ARHGAP8: variants seen among roughly 807,000 people sequenced by gnomAD.
The protein encoded by ARHGAP8 is rho GTPase-activating protein 8.
In ARHGAP8, 62 loss-of-function variants were observed where a neutral mutation model predicts 46.1. The ratio of observed to expected loss-of-function variants is 1.34; its 90% CI spans 1.10 to 1.66. The LOEUF (loss-of-function observed/expected upper bound fraction) is 1.66. Among genes scored for constraint, ARHGAP8 ranks in the 40% most tolerant of loss-of-function variants. The probability of loss-of-function intolerance (pLI) is 0.00; values close to 1 mark genes in which losing one functional copy is unlikely to be tolerated. For synonymous variants in ARHGAP8, 375 were observed against 243.1 expected, an observed-to-expected ratio of 1.54 and a Z score of -5.05; for missense variants, 923 against 568.4, an observed-to-expected ratio of 1.62 and a Z score of -6.34.
chr22:44,832,065 A>C (rs972839503), intron 7 of ARHGAP8, among the ~76,000 whole-genome samples: 1 of 152,124 alleles, frequency 6.6e-6, no homozygotes, highest in Non-Finnish European at 1.5e-5. Flanking sequence ...CCATCTTGAA[A>C]ATAGTAGTCT....
At chr22:44,801,367 T>TG (rs1449651805) in intron 2 of ARHGAP8, among the ~76,000 whole-genome samples, 14 of 45,610 alleles carry the variant, frequency 3.1e-4, no homozygotes, top group African/African-American at 6.3e-4. Flanking sequence ...TGTCTATGTG[T>TG]GGGGGCACCT....
At chr22:44,763,109 A>G (rs1447562378) in intron 1 of ARHGAP8, among the ~76,000 whole-genome samples, 1 of 152,160 alleles carries the variant, frequency 6.6e-6, no homozygotes, top group Non-Finnish European at 1.5e-5. Context: ...GTCTGTTTTC[A>G]TGCTGGTTGG....
intron 2 of ARHGAP8, among the ~76,000 whole-genome samples, chr22:44,799,789 C>T (rs866397605): frequency 4.3e-5 from 6 of 140,910 alleles, no homozygotes; most frequent in Admixed American, 3.3e-4. Context: ...GAGCCGTGGC[C>T]GTGGAGTGAG....
intron 5 of ARHGAP8, among the ~76,000 whole-genome samples, chr22:44,815,301 G>C (rs781285492): frequency 6.6e-6 from 1 of 152,176 alleles, no homozygotes; most frequent in Non-Finnish European, 1.5e-5. Context: ...GGTGCCCAGG[G>C]TTTTTGTTGC....
intron 11 of ARHGAP8, among the ~76,000 whole-genome samples, chr22:44,860,884 C>G (rs534245340): frequency 6.6e-6 from 1 of 152,216 alleles, no homozygotes; most frequent in African/African-American, 2.4e-5. Context: ...AGAGCCTGAG[C>G]AGAGTAGGCG....
chr22:44,822,896 C>A (rs1930256068), intron 6 of ARHGAP8, among the ~76,000 whole-genome samples: 1 of 152,178 alleles, frequency 6.6e-6, no homozygotes, highest in Admixed American at 6.5e-5. Context: ...ATGCTGAAAG[C>A]TTAATTGGTG....
intron 3 of ARHGAP8, among the ~76,000 whole-genome samples, chr22:44,806,081 C>G (rs1928901039): frequency 6.6e-6 from 1 of 152,120 alleles, no homozygotes; most frequent in African/African-American, 2.4e-5. Context: ...AGACATTGGC[C>G]TCAGTTTCCC....
At chr22:44,759,915 G>A (rs1376937306) in intron 1 of ARHGAP8, among the ~76,000 whole-genome samples, 3 of 152,248 alleles carry the variant, frequency 2.0e-5, no homozygotes, top group Non-Finnish European at 4.4e-5. Flanking sequence ...GTGCCCTTGC[G>A]CAGGGCAGCA....
intron 1 of ARHGAP8, among the ~76,000 whole-genome samples, chr22:44,782,056 C>T (rs544647827): frequency 5.3e-5 from 8 of 151,632 alleles, no homozygotes; most frequent in East Asian, 2.0e-4. Flanking sequence ...ACTTTAGGGC[C>T]GGGTGTGGTG....
chr22:44,774,479 A>G (rs1380907107), intron 1 of ARHGAP8, among the ~76,000 whole-genome samples: 2 of 149,328 alleles, frequency 1.3e-5, no homozygotes, highest in East Asian at 3.9e-4. Context: ...ACTGTATGAC[A>G]TTTGACTATT....
intron 5 of ARHGAP8, among the ~76,000 whole-genome samples, chr22:44,816,195 C>T (rs1929729061): frequency 6.6e-6 from 1 of 152,164 alleles, no homozygotes; most frequent in Non-Finnish European, 1.5e-5. Flanking sequence ...TGACACAGGT[C>T]TCTTCTCGTG....
rs535308127 is a variant in ARHGAP8 at position 44,763,205 on chromosome 22, A to G, written c.-72+10578A>G. 5.3e-5 allele frequency among the ~76,000 whole-genome samples: 8 copies of G among 152,214 alleles called. No homozygotes were observed. The South Asian group carries it at 1.2e-3, about 24-fold the overall frequency. On this transcript the variant is annotated intron_variant, in intron 1 of 11. Transcript: ENST00000356099. Reference sequence around the variant, plus strand: ...TCCCAGAGCAAACTTAGAGCAAAAGATAATTTTCAGGCTGGGTGTGGTGGC... The same window carrying G: ...TCCCAGAGCAAACTTAGAGCAAAAGGTAATTTTCAGGCTGGGTGTGGTGGC...
chr22:44,852,449 C>G (rs1280999428), intron 10 of ARHGAP8, among the ~76,000 whole-genome samples: 1 of 152,136 alleles, frequency 6.6e-6, no homozygotes, highest in Non-Finnish European at 1.5e-5. Flanking sequence ...CCACACCTGC[C>G]TTTCTTAGAT....
At chr22:44,815,165 G>A (rs1388334698) in intron 5 of ARHGAP8, among the ~76,000 whole-genome samples, 2 of 152,180 alleles carry the variant, frequency 1.3e-5, no homozygotes, top group Non-Finnish European at 2.9e-5. Context: ...CTGAGTCCAG[G>A]AGGACCAAGT....
chr22:44,762,338 AGGTG>A (rs1227352213), intron 1 of ARHGAP8, among the ~76,000 whole-genome samples: 4 of 152,082 alleles, frequency 2.6e-5, no homozygotes, highest in African/African-American at 7.2e-5. Flanking sequence ...CGGGAGGCTG[AGGTG>A]GGAGGATCGC....
chr22:44,782,277 C>T (rs1926897491), intron 1 of ARHGAP8, among the ~76,000 whole-genome samples: 1 of 152,142 alleles, frequency 6.6e-6, no homozygotes, highest in Non-Finnish European at 1.5e-5. Context: ...GAGGAGATTA[C>T]AGTGAGCCAA....
At chr22:44,774,518 A>ATTTTTTT (rs132473) in intron 1 of ARHGAP8, among the ~76,000 whole-genome samples, 1 of 119,490 alleles carries the variant, frequency 8.4e-6, no homozygotes, top group Non-Finnish European at 1.7e-5. Flanking sequence ...TCTTTGGGAG[A>ATTTTTTT]TTTTTTTTTT....
Position 44,862,698 on chromosome 22 carries a change from A to G in ARHGAP8, c.*103A>G. On this transcript the variant is annotated 3_prime_UTR_variant, in exon 12 of 12. Coordinates refer to ENST00000356099, the MANE Select transcript of ARHGAP8 (RefSeq NM_181335.3). ...TGTAAAAATAACCAGCCATTAGATG[A>G]ATTCAGAACCTTCTAATGAAAACTC... 7.4e-7 allele frequency: 1 copy of G among 1,358,166 alleles called. No homozygotes were observed. The highest frequency in any genetic ancestry group is 1.6e-5 in the South Asian group (1 of 63,340). The allele number at this position is 1,358,166 out of a possible 1,614,324, so 84.1% of individuals were successfully genotyped here. A position where few individuals can be genotyped will look rare whatever the true frequency, so the allele number is the denominator to read the frequency against.
chr22:44,757,779 C>T (rs1344691451), intron 1 of ARHGAP8, among the ~76,000 whole-genome samples: 1 of 149,954 alleles, frequency 6.7e-6, no homozygotes. Context: ...GCTGGGATTA[C>T]AGGCACCTGT....
Sources: allele counts gnomAD v4.1 joint callset (sites outside exome capture counted in the v4.1 genomes callset), GRCh38; gene constraint gnomAD v4.1.1; transcripts MANE v1.5; gene names NCBI Gene and HGNC (gene_info 2026-07-23, HGNC 2026-07-21).